The following GRB14 variants were observed in gnomAD, a reference collection of about 807,000 sequenced individuals.
GRB14 encodes the protein growth factor receptor-bound protein 14.
GRB14 carries 38 observed loss-of-function variants against 69.1 expected under a neutral mutation model. That is an observed-to-expected ratio of 0.55 (90% CI 0.42 to 0.72). The LOEUF is 0.72. Among genes scored for constraint, GRB14 ranks in the 30% least tolerant of loss-of-function variants. The probability of loss-of-function intolerance (pLI) is 0.00; values close to 1 mark genes in which losing one functional copy is unlikely to be tolerated. For missense variants in GRB14, 666 were observed against 666.1 expected (o/e 1.00, Z 0.00); for synonymous variants, 247 against 241.3 (o/e 1.02, Z -0.22).
At chr2:164,505,755 T>C (rs1419356696) in intron 8 of GRB14, among the ~76,000 whole-genome samples, 1 of 152,232 alleles carries the variant, frequency 6.6e-6, no homozygotes, top group Non-Finnish European at 1.5e-5. Context: ...TACAAAAATC[T>C]AGGTTCAAAT....
At chr2:164,582,790 C>A (rs1689447635) in intron 2 of GRB14, among the ~76,000 whole-genome samples, 1 of 152,188 alleles carries the variant, frequency 6.6e-6, no homozygotes, top group African/African-American at 2.4e-5. Flanking sequence ...CTAATATCTT[C>A]CCTGGTCTCC....
chr2:164,611,034 G>A (rs948662797), intron 2 of GRB14, among the ~76,000 whole-genome samples: 6 of 151,874 alleles, frequency 4.0e-5, no homozygotes, highest in African/African-American at 9.7e-5. Flanking sequence ...CTACGATAAA[G>A]CCTTGGAGAT....
intron 2 of GRB14, among the ~76,000 whole-genome samples, chr2:164,591,863 T>A (rs1364482388): frequency 1.3e-5 from 2 of 152,056 alleles, no homozygotes; most frequent in African/African-American, 4.8e-5. Context: ...AATTCCCTTG[T>A]GTTGTGGGAG....
intron 3 of GRB14, among the ~76,000 whole-genome samples, chr2:164,529,376 G>A (rs924766526): frequency 2.0e-5 from 3 of 152,046 alleles, no homozygotes; most frequent in Non-Finnish European, 2.9e-5. Context: ...TTCATATAAC[G>A]CCACTGAACT....
In GRB14 at chr2:164,504,314, G is replaced by A. The variant is rs140979072; in HGVS notation, c.1024-1979C>T. ...AGATAATATCTCCTTGTTCATTCCC[G>A]CTAAGTACAATGGTAAACGCTGGAA... On this transcript the variant is annotated intron_variant, in intron 8 of 13. Coordinates refer to ENST00000263915, the MANE Select transcript of GRB14 (RefSeq NM_004490.3). Among the ~76,000 whole-genome samples, 32 of 152,092 alleles carry A rather than the reference G, an allele frequency of 2.1e-4. No individual in the cohort carries two copies. The East Asian group carries it at 5.3e-3, about 25-fold the overall frequency.
intron 9 of GRB14, among the ~76,000 whole-genome samples, chr2:164,500,553 A>C (rs2105258635): frequency 6.6e-6 from 1 of 152,242 alleles, no homozygotes; most frequent in South Asian, 2.1e-4. Context: ...AATCTGGAAA[A>C]GTGAGATTTT....
intron 2 of GRB14, among the ~76,000 whole-genome samples, chr2:164,570,275 T>TAAA (rs35918859): frequency 3.1e-4 from 18 of 57,220 alleles, no homozygotes; most frequent in East Asian, 1.2e-3. Context: ...AGACTCCATC[T>TAAA]AAAAAAAAAA....
In GRB14 at chr2:164,508,863, A is replaced by G. The variant is rs752239982; in HGVS notation, c.817-11T>C. ...CAAATGCCGCGGTTCCTTAAAAAAA[A>G]AAGTATTGACATGGATACATATTTT... On this transcript the variant is annotated splice_polypyrimidine_tract_variant and intron_variant, in intron 6 of 13. Coordinates refer to ENST00000263915, the MANE Select transcript of GRB14 (RefSeq NM_004490.3). The G allele has an allele frequency of 1.9e-6, 3 of 1,552,438 alleles. No individual in the cohort carries two copies. Among genetic ancestry groups the G allele is most frequent in the African/African-American group, 1.4e-5 (1 of 71,984 alleles).
chr2:164,513,117 T>C (rs555510361), intron 6 of GRB14, among the ~76,000 whole-genome samples: 3 of 152,228 alleles, frequency 2.0e-5, no homozygotes, highest in Admixed American at 1.3e-4. Context: ...TTCTCTTTCC[T>C]TCCCACTCCT....
chr2:164,604,686 G>A lies in GRB14; in HGVS notation c.324+15001C>T, dbSNP rs543974043. 1.8e-4 allele frequency among the ~76,000 whole-genome samples: 27 copies of A among 151,742 alleles called. No homozygotes were observed. The South Asian group carries it at 4.4e-3, about 25-fold the overall frequency. ...CTCTAACTGTTTGGAATTACTTCAC[G>A]GTGAGAATCCTAGTATTACATTCAA... On this transcript the variant is annotated intron_variant, in intron 2 of 13. Coordinates refer to ENST00000263915, the MANE Select transcript of GRB14 (RefSeq NM_004490.3).
intron 3 of GRB14, among the ~76,000 whole-genome samples, chr2:164,530,260 A>G (rs1033493067): frequency 1.3e-5 from 2 of 152,116 alleles, no homozygotes; most frequent in Non-Finnish European, 2.9e-5. Context: ...AGCAATAGAC[A>G]TGCCAGGCTT....
chr2:164,507,209 T>C (rs942164054), intron 8 of GRB14, among the ~76,000 whole-genome samples: 9 of 152,130 alleles, frequency 5.9e-5, no homozygotes, highest in African/African-American at 7.2e-5. Context: ...ATCTCTTAAG[T>C]TGGATGCTAG....
chr2:164,583,919 T>C (rs1689473762), intron 2 of GRB14, among the ~76,000 whole-genome samples: 2 of 152,074 alleles, frequency 1.3e-5, no homozygotes, highest in Non-Finnish European at 2.9e-5. Context: ...CTTGACACAA[T>C]TAGGTGACCT....
rs191164896 is a variant in GRB14 at position 164,577,922 on chromosome 2, G to C, written c.325-30106C>G. ...AAAAAATTAATTAGTTTATAAATAT[G>C]TTAGAAGAAATAACTCAAGAATGCT... On this transcript the variant is annotated intron_variant, in intron 2 of 13. Transcript: ENST00000263915. 1.8e-4 allele frequency among the ~76,000 whole-genome samples: 28 copies of C among 152,282 alleles called. 1 individual carries two copies. In the East Asian group the frequency reaches 5.4e-3, roughly 29 times the overall value.
chr2:164,559,264 T>A lies in GRB14; in HGVS notation c.325-11448A>T, dbSNP rs568319166. Among the ~76,000 whole-genome samples the A allele has an allele frequency of 6.6e-5, 10 of 152,288 alleles. No homozygotes were observed. The East Asian group carries it at 1.9e-3, about 29-fold the overall frequency. On this transcript the variant is annotated intron_variant, in intron 2 of 13. Transcript: ENST00000263915. ...TTGTAATTTTACTTTTCCTTCATTT[T>A]TCTAAATATTTATTTATTTACTTTT...
intron 2 of GRB14, among the ~76,000 whole-genome samples, chr2:164,589,572 T>C (rs1689612676): frequency 1.3e-5 from 2 of 152,068 alleles, no homozygotes; most frequent in African/African-American, 2.4e-5. Context: ...TGTCAGGCTC[T>C]TTTTACAACC....
At chr2:164,515,803 G>GAA (rs55851742) in intron 6 of GRB14, among the ~76,000 whole-genome samples, 11,590 of 137,746 alleles carry the variant, frequency 0.084, 760 homozygotes, top group African/African-American at 0.18. Context: ...AACTTAGTGA[G>GAA]AAAAAAAAAA....
chr2:164,607,288 T>G (rs988273012), intron 2 of GRB14, among the ~76,000 whole-genome samples: 3 of 152,244 alleles, frequency 2.0e-5, no homozygotes, highest in Non-Finnish European at 4.4e-5. Flanking sequence ...CTCCATTTAT[T>G]TATTCTTTCA....
intron 2 of GRB14, among the ~76,000 whole-genome samples, chr2:164,612,596 C>T (rs1690193477): frequency 6.6e-6 from 1 of 152,228 alleles, no homozygotes; most frequent in South Asian, 2.1e-4. Flanking sequence ...TTGAAATACA[C>T]ATAAGCATAT....
Sources: gnomAD v4.1 joint callset for allele counts (sites outside exome capture counted in the v4.1 genomes callset) on GRCh38, gnomAD v4.1.1 for gene constraint, MANE v1.5 for transcripts, NCBI Gene and HGNC (gene_info 2026-07-23, HGNC 2026-07-21) for gene names.